The following MAP4 variants were observed in gnomAD, a reference collection of about 807,000 sequenced individuals.
MAP4 encodes the protein microtubule associated protein 4.
In MAP4, 76 loss-of-function variants were observed where a neutral mutation model predicts 170.2. The observed-to-expected ratio is 0.45, with a 90% CI of 0.37 to 0.54. The LOEUF is 0.54. Ranked by LOEUF, MAP4 falls within the 20% of genes least tolerant of loss-of-function variation. The pLI, the probability that MAP4 is intolerant of heterozygous loss-of-function variation, is 0.00. For synonymous variants in MAP4, 909 were observed against 994.5 expected, an observed-to-expected ratio of 0.91 and a Z score of 1.62; for missense variants, 2,506 against 2,748.0, an observed-to-expected ratio of 0.91 and a Z score of 1.97.
In MAP4 at chr3:48,066,712, C is replaced by T. The variant is rs1272091054; in HGVS notation, c.-20+22061G>A. ...TGGGACCTTATCATCCTCAGATTTT[C>T]TTATCTGCAGGAGGTCTGAGAACCA... is the stretch of plus-strand genomic sequence containing the variant. On this transcript the variant is annotated intron_variant, in intron 1 of 18. Transcript: ENST00000360240. Among the ~76,000 whole-genome samples, 5 of 148,774 alleles carry T rather than the reference C, an allele frequency of 3.4e-5. No individual in the cohort carries two copies. In the East Asian group the frequency reaches 8.2e-4, roughly 25 times the overall value.
intron 1 of MAP4, among the ~76,000 whole-genome samples, chr3:48,043,311 G>C (rs112334547): frequency 2.9e-4 from 44 of 152,264 alleles, no homozygotes; most frequent in African/African-American, 1.1e-3. Flanking sequence ...ATGTTGGTCA[G>C]GCTGGTCTCG....
intron 10 of MAP4, among the ~76,000 whole-genome samples, chr3:47,882,737 G>C (rs2096956545): frequency 6.6e-6 from 1 of 151,910 alleles, no homozygotes; most frequent in Admixed American, 6.6e-5. Context: ...GCCACACCCA[G>C]CTATGTTTTA....
intron 1 of MAP4, among the ~76,000 whole-genome samples, chr3:48,067,518 C>T (rs1337173789): frequency 6.6e-6 from 1 of 151,926 alleles, no homozygotes; most frequent in African/African-American, 2.4e-5. Flanking sequence ...TTTGTAGAGA[C>T]AGGGGTTTCA....
At chr3:48,057,829 A>T (rs188436137) in intron 1 of MAP4, among the ~76,000 whole-genome samples, 1 of 152,288 alleles carries the variant, frequency 6.6e-6, no homozygotes, top group Admixed American at 6.5e-5. Flanking sequence ...GAAACTGGGT[A>T]AAGTGTACAA....
chr3:47,987,316 T>C (rs961070891), intron 2 of MAP4: 9 of 1,188,772 alleles, frequency 7.6e-6, no homozygotes, highest in African/African-American at 6.2e-5. Flanking sequence ...AGATAACAAA[T>C]AGCTTAATTA....
At chr3:47,898,948 C>G (rs2153233879) in intron 10 of MAP4, among the ~76,000 whole-genome samples, 1 of 152,198 alleles carries the variant, frequency 6.6e-6, no homozygotes, top group South Asian at 2.1e-4. Context: ...CGACAGAGAC[C>G]TTGTTTAAAA....
At chr3:48,051,313 G>A (rs2100127737) in intron 1 of MAP4, among the ~76,000 whole-genome samples, 1 of 152,134 alleles carries the variant, frequency 6.6e-6, no homozygotes, top group Admixed American at 6.6e-5. Flanking sequence ...CCAGGAGGCT[G>A]AGGCAGGAGA....
At chr3:47,892,226 C>T (rs1559934184) in intron 10 of MAP4, 10 of 1,536,436 alleles carry the variant, frequency 6.5e-6, no homozygotes, top group Non-Finnish European at 8.7e-6. Context: ...CATTTCAATG[C>T]TCAGCTCTTT....
chr3:48,052,720 A>G (rs1250944855), intron 1 of MAP4, among the ~76,000 whole-genome samples: 1 of 152,218 alleles, frequency 6.6e-6, no homozygotes, highest in Admixed American at 6.5e-5. Context: ...GCAGAAAGCC[A>G]AAACTATTCT....
At chr3:48,082,666 C>G (rs894244815) in intron 1 of MAP4, among the ~76,000 whole-genome samples, 3 of 151,946 alleles carry the variant, frequency 2.0e-5, no homozygotes, top group African/African-American at 7.3e-5. Context: ...GGTGTGGTGG[C>G]ACGTGCCTGT....
intron 18 of MAP4, among the ~76,000 whole-genome samples, chr3:47,856,932 G>C (rs968585605): frequency 7.2e-5 from 11 of 152,338 alleles, no homozygotes; most frequent in South Asian, 2.1e-4. Context: ...AGGGGCGCTG[G>C]GCCAACCATG....
At chr3:48,087,016 A>T (rs1325866631) in intron 1 of MAP4, among the ~76,000 whole-genome samples, 1 of 152,192 alleles carries the variant, frequency 6.6e-6, no homozygotes, top group Non-Finnish European at 1.5e-5. Context: ...TCTTCCCATC[A>T]GTCTCAATTT....
intron 1 of MAP4, among the ~76,000 whole-genome samples, chr3:48,083,209 G>T (rs1009386644): frequency 2.0e-5 from 3 of 152,086 alleles, no homozygotes; most frequent in African/African-American, 7.2e-5. Flanking sequence ...TTTGATAAGG[G>T]TATCAGGTTA....
chr3:47,937,833 T>G (rs993913338), intron 3 of MAP4, among the ~76,000 whole-genome samples: 12 of 151,212 alleles, frequency 7.9e-5, no homozygotes, highest in Middle Eastern at 3.2e-3. Context: ...GGCTAATTTT[T>G]GTATTTTTAG....
At chr3:47,873,427 C>T (rs1177989902) in intron 12 of MAP4, among the ~76,000 whole-genome samples, 1 of 152,188 alleles carries the variant, frequency 6.6e-6, no homozygotes, top group Non-Finnish European at 1.5e-5. Context: ...CAGCTCTCTT[C>T]CTCCAAGAGA....
intron 1 of MAP4, among the ~76,000 whole-genome samples, chr3:48,024,984 A>T (rs2100112291): frequency 6.9e-6 from 1 of 145,714 alleles, no homozygotes. Flanking sequence ...GCAGGGTCTC[A>T]CTCTGGTGTC....
Position 47,855,157 on chromosome 3 carries a change from G to A in MAP4, c.6696+91C>T, listed in dbSNP as rs933275540. On this transcript the variant is annotated intron_variant, in intron 19 of 20. Coordinates refer to ENST00000683076, the MANE Select transcript of MAP4 (RefSeq NM_001385682.1). This position sits in a 1 kb window ranked among gnomAD's most constrained non-coding sequence, Gnocchi z 5.1. ...ATGACTCCTGAAGAGACTGAGGGGC[G>A]GTGACAGGTGCCTACCTGTGAGGAC... is the stretch of plus-strand genomic sequence containing the variant. The A allele has an allele frequency of 3.7e-6, 3 of 804,776 alleles. No individual in the cohort carries two copies. Among genetic ancestry groups the A allele is most frequent in the African/African-American group, 3.4e-5 (2 of 59,580 alleles). 49.9% of individuals were successfully genotyped at this position (804,776 alleles called of 1,614,324 possible).
Position 48,000,455 on chromosome 3 carries a change from G to T in MAP4, c.-19-1576C>A, listed in dbSNP as rs567808733. Among the ~76,000 whole-genome samples the T allele has an allele frequency of 2.0e-5, 3 of 152,224 alleles. No individual in the cohort carries two copies. In the South Asian group the frequency reaches 6.2e-4, roughly 32 times the overall value. On this transcript the variant is annotated intron_variant, in intron 1 of 20. Transcript: ENST00000683076. ...TTGCACAATGTAATGGCCACTACTTGTGTTTGTCCAGAAATCTATTCTTCC... is the reference window on the plus strand; with the variant it reads ...TTGCACAATGTAATGGCCACTACTTTTGTTTGTCCAGAAATCTATTCTTCC...
intron 17 of MAP4, among the ~76,000 whole-genome samples, chr3:47,864,046 C>A (rs78616996): frequency 2.0e-5 from 3 of 151,774 alleles, no homozygotes; most frequent in African/African-American, 7.3e-5. Context: ...GGTGCCATCA[C>A]GGCTCATTGC....
Sources: allele counts gnomAD v4.1 joint callset (sites outside exome capture counted in the v4.1 genomes callset), GRCh38; gene constraint gnomAD v4.1.1; non-coding constraint Gnocchi (gnomAD v3.1); transcripts MANE v1.5; gene names NCBI Gene and HGNC (gene_info 2026-07-23, HGNC 2026-07-21).